The following CD1B variants were observed in gnomAD, a reference collection of about 807,000 sequenced individuals.
CD1B encodes T-cell surface glycoprotein CD1b.
Under a neutral mutation model 39.8 loss-of-function variants are expected in CD1B, and 43 were observed. That is an observed-to-expected ratio of 1.08 (90% CI 0.85 to 1.39). CD1B has a LOEUF of 1.39. Ranked by LOEUF, CD1B falls within the 40% of genes most tolerant of loss-of-function variation. The pLI is 0.00. For missense variants in CD1B, 495 were observed against 403.8 expected (o/e 1.23, Z -1.94); for synonymous variants, 192 against 152.5 (o/e 1.26, Z -1.91).
At chr1:158,298,945 A>G in the CD1B span, among the ~76,000 whole-genome samples, 5 of 152,204 alleles carry the variant, frequency 3.3e-5, no homozygotes, top group Admixed American at 1.3e-4. Flanking sequence ...TAAATATACA[A>G]TCATGTCATC....
the CD1B span, among the ~76,000 whole-genome samples, chr1:158,314,647 T>A: frequency 2.5e-4 from 37 of 148,066 alleles, no homozygotes; most frequent in East Asian, 6.8e-3. Flanking sequence ...GTTTTGTTTT[T>A]TTTATTTTTT....
the CD1B span, among the ~76,000 whole-genome samples, chr1:158,289,318 A>T: frequency 2.6e-5 from 4 of 152,224 alleles, no homozygotes; most frequent in Admixed American, 6.5e-5. Flanking sequence ...GTAATTTTTT[A>T]GTGAATGACT....
the CD1B span, among the ~76,000 whole-genome samples, chr1:158,311,146 CT>C: frequency 6.6e-6 from 1 of 152,102 alleles, no homozygotes; most frequent in South Asian, 2.1e-4. Flanking sequence ...TAAATAAAAT[CT>C]ATTTTTGTTT....
the CD1B span, among the ~76,000 whole-genome samples, chr1:158,301,206 C>T: frequency 6.6e-6 from 1 of 151,954 alleles, no homozygotes; most frequent in Admixed American, 6.6e-5. Context: ...GATGGGTCTC[C>T]TGAATACAGC....
chr1:158,320,005 G>A, the CD1B span, among the ~76,000 whole-genome samples: 8 of 152,328 alleles, frequency 5.3e-5, no homozygotes, highest in Admixed American at 1.3e-4. Flanking sequence ...CGCTTGAGGA[G>A]GCAGTCTGCC....
the CD1B span, chr1:158,290,253 T>G: frequency 1.3e-6 from 1 of 776,754 alleles, no homozygotes; most frequent in African/African-American, 1.7e-5. Context: ...AGGTCCAGTT[T>G]ACTCTTTTGG....
the CD1B span, among the ~76,000 whole-genome samples, chr1:158,306,154 G>A: frequency 6.6e-6 from 1 of 152,132 alleles, no homozygotes; most frequent in African/African-American, 2.4e-5. Flanking sequence ...ATAGAGTCAA[G>A]ACCCATCAGT....
chr1:158,313,918 C>T, the CD1B span, among the ~76,000 whole-genome samples: 3 of 151,982 alleles, frequency 2.0e-5, no homozygotes, highest in Non-Finnish European at 4.4e-5. Context: ...AGGCATTTAC[C>T]TATTTCTTCT....
the CD1B span, among the ~76,000 whole-genome samples, chr1:158,300,181 T>A: frequency 6.6e-6 from 1 of 152,196 alleles, no homozygotes; most frequent in Non-Finnish European, 1.5e-5. Context: ...TTCTGGTACA[T>A]TGTGTCTTTG....
the CD1B span, chr1:158,291,317 C>T: frequency 1.2e-6 from 2 of 1,614,080 alleles, no homozygotes; most frequent in Non-Finnish European, 1.7e-6. Context: ...GAAGAGTTGT[C>T]AGACCTAGAG....
chr1:158,296,055 C>G, the CD1B span, among the ~76,000 whole-genome samples: 1 of 152,132 alleles, frequency 6.6e-6, no homozygotes, highest in East Asian at 1.9e-4. Flanking sequence ...GCTGCCCCAC[C>G]ACCACCAGCA....
chr1:158,291,788 C>A, the CD1B span, among the ~76,000 whole-genome samples: 1 of 152,068 alleles, frequency 6.6e-6, no homozygotes, highest in Non-Finnish European at 1.5e-5. Context: ...TATCCTCCTA[C>A]CTCCCTCACA....
At chr1:158,314,631 G>A in the CD1B span, among the ~76,000 whole-genome samples, 3 of 151,300 alleles carry the variant, frequency 2.0e-5, no homozygotes, top group East Asian at 5.8e-4. Flanking sequence ...GTATTCCATA[G>A]GTTTTGTTTT....
the CD1B span, chr1:158,292,055 C>A: frequency 1.3e-6 from 2 of 1,580,872 alleles, no homozygotes; most frequent in Non-Finnish European, 1.7e-6. Flanking sequence ...TTTGTTTGAA[C>A]TCTTTTTCTC....
At chr1:158,298,063 T>C in the CD1B span, among the ~76,000 whole-genome samples, 13,489 of 151,982 alleles carry the variant, frequency 0.089, 1,189 homozygotes, top group African/African-American at 0.21. Context: ...CTGTCAAGCA[T>C]ACAGGAAAGA....
chr1:158,302,401 A>T, the CD1B span, among the ~76,000 whole-genome samples: 1 of 152,160 alleles, frequency 6.6e-6, no homozygotes, highest in South Asian at 2.1e-4. Context: ...AAGGAAAAAA[A>T]ACCTAAAGCT....
At chr1:158,331,162 A>C in intron 1 of CD1B, 100 bp from the exon 2 acceptor site, 3 of 1,295,566 alleles carry the variant, frequency 2.3e-6, no homozygotes, top group Non-Finnish European at 3.2e-6. Flanking sequence ...AAGAACCTAG[A>C]GTCTAAAGAA....
chr1:158,306,144 A>G, the CD1B span, among the ~76,000 whole-genome samples: 14 of 152,340 alleles, frequency 9.2e-5, no homozygotes, highest in East Asian at 2.3e-3. Context: ...GGCAAATTGG[A>G]TAGAGTCAAG....
the CD1B span, among the ~76,000 whole-genome samples, chr1:158,308,557 A>C: frequency 2.6e-5 from 4 of 152,246 alleles, no homozygotes; most frequent in African/African-American, 9.6e-5. Flanking sequence ...AGCTGGAGGC[A>C]TCACACTACC....
Sources: gnomAD v4.1 joint callset for allele counts (sites outside exome capture counted in the v4.1 genomes callset) on GRCh38, gnomAD v4.1.1 for gene constraint, MANE v1.5 for transcripts, NCBI Gene and HGNC (gene_info 2026-07-23, HGNC 2026-07-21) for gene names.